Variants in PCLO observed in about 807,000 individuals in gnomAD.
PCLO encodes the protein protein piccolo.
PCLO carries 82 observed loss-of-function variants against 427.5 expected under a neutral mutation model. The ratio of observed to expected loss-of-function variants is 0.19; its 90% CI spans 0.16 to 0.23. The LOEUF (loss-of-function observed/expected upper bound fraction) is 0.23, where lower values mean the gene tolerates loss of function less well. PCLO is among the 10% of genes least tolerant of loss of function. The pLI is 1.00. For missense variants in PCLO, 6,239 were observed against 6,115.9 expected (o/e 1.02, Z -0.67); for synonymous variants, 2,357 against 2,155.4 (o/e 1.09, Z -2.59).
intron 3 of PCLO, among the ~76,000 whole-genome samples, chr7:83,122,860 A>C (rs2116568600): frequency 6.6e-6 from 1 of 152,324 alleles, no homozygotes; most frequent in South Asian, 2.1e-4. Flanking sequence ...AACCTCACAA[A>C]ATAAGAAAGT....
intron 10 of PCLO, among the ~76,000 whole-genome samples, chr7:82,857,885 C>T (rs1792849438): frequency 6.6e-6 from 1 of 152,020 alleles, no homozygotes; most frequent in East Asian, 1.9e-4. Flanking sequence ...AGAAATAATA[C>T]AACATGGTCA....
In PCLO at chr7:83,043,479, A is replaced by C. The variant is rs77997166; in HGVS notation, c.3301-76992T>G. ...ACTTCATTTTCAGAGAGGAAAATGTATTGGATATTTGATTATGTACATCCT... is the reference window on the plus strand; with the variant it reads ...ACTTCATTTTCAGAGAGGAAAATGTCTTGGATATTTGATTATGTACATCCT... On this transcript the variant is annotated intron_variant, in intron 3 of 24. Transcript: ENST00000333891. Among the ~76,000 whole-genome samples, 18 of 152,330 alleles carry C rather than the reference A, an allele frequency of 1.2e-4. No homozygotes were observed. The East Asian group carries it at 3.5e-3, about 29-fold the overall frequency.
intron 10 of PCLO, chr7:82,848,849 T>C (rs2115830618): frequency 5.4e-6 from 2 of 368,450 alleles, no homozygotes; most frequent in South Asian, 4.1e-5. Flanking sequence ...CAAACAAGAA[T>C]GACTTTTCTA....
intron 9 of PCLO, among the ~76,000 whole-genome samples, chr7:82,887,013 A>C (rs1793643013): frequency 6.6e-6 from 1 of 152,116 alleles, no homozygotes; most frequent in Non-Finnish European, 1.5e-5. Context: ...GATTTTTCTC[A>C]ATCTCTTCAG....
At chr7:83,101,745 T>A (rs1294338273) in intron 3 of PCLO, among the ~76,000 whole-genome samples, 1 of 152,124 alleles carries the variant, frequency 6.6e-6, no homozygotes, top group African/African-American at 2.4e-5. Flanking sequence ...AAATTAACTT[T>A]GCCAATCACG....
At chr7:82,945,595 T>C (rs1025611415) in intron 6 of PCLO, among the ~76,000 whole-genome samples, 9 of 152,142 alleles carry the variant, frequency 5.9e-5, no homozygotes, top group Admixed American at 3.9e-4. Context: ...ATTTCTGTTG[T>C]TGAAGCCACC....
At chr7:83,053,308 T>C (rs1487296415) in intron 3 of PCLO, among the ~76,000 whole-genome samples, 1 of 151,966 alleles carries the variant, frequency 6.6e-6, no homozygotes, top group Non-Finnish European at 1.5e-5. Flanking sequence ...TCTGTACCAC[T>C]CCAGCTAACC....
chr7:83,125,013 C>T (rs935253220), intron 3 of PCLO, among the ~76,000 whole-genome samples: 9 of 152,180 alleles, frequency 5.9e-5, no homozygotes, highest in African/African-American at 2.2e-4. Context: ...GCCTTGGCCT[C>T]CCGAGGTGCT....
intron 3 of PCLO, among the ~76,000 whole-genome samples, chr7:83,034,448 A>G (rs563613646): frequency 6.6e-6 from 1 of 152,308 alleles, no homozygotes; most frequent in Admixed American, 6.5e-5. Flanking sequence ...CTCGGCCCCC[A>G]CAGTGCTGGG....
At chr7:83,030,044 T>C (rs1788620454) in intron 3 of PCLO, among the ~76,000 whole-genome samples, 1 of 144,646 alleles carries the variant, frequency 6.9e-6, no homozygotes, top group Non-Finnish European at 1.5e-5. Context: ...CGCACCAGCA[T>C]GGCACATGTA....
chr7:82,885,772 A>G (rs528355369), intron 9 of PCLO, among the ~76,000 whole-genome samples: 64 of 150,788 alleles, frequency 4.2e-4, no homozygotes, highest in African/African-American at 1.6e-3. Context: ...TTGGATTTTA[A>G]AATAAAAGAG....
chr7:82,981,525 C>G (rs1471422483), intron 3 of PCLO, among the ~76,000 whole-genome samples: 1 of 152,042 alleles, frequency 6.6e-6, no homozygotes, highest in Non-Finnish European at 1.5e-5. Flanking sequence ...TGACATATGT[C>G]AAAAAGGTTG....
At chr7:82,980,914 G>A (rs938292754) in intron 3 of PCLO, among the ~76,000 whole-genome samples, 2 of 152,062 alleles carry the variant, frequency 1.3e-5, no homozygotes, top group African/African-American at 2.4e-5. Flanking sequence ...AATCCCAGGA[G>A]TTTCTATAAT....
chr7:82,947,145 G>A (rs934226128), intron 6 of PCLO, among the ~76,000 whole-genome samples: 28 of 151,960 alleles, frequency 1.8e-4, no homozygotes, highest in Admixed American at 9.2e-4. Flanking sequence ...TTCTCTCCAT[G>A]GTCCAGCAGA....
intron 3 of PCLO, among the ~76,000 whole-genome samples, chr7:83,058,525 CCATAT>C (rs1789459053): frequency 6.6e-6 from 1 of 152,068 alleles, no homozygotes; most frequent in East Asian, 1.9e-4. Context: ...AATATAACTA[CCATAT>C]ATCAATACAG....
rs2115643333 is a variant in PCLO at position 82,822,210 on chromosome 7, T to TGGAAAA, written c.14791+284_14791+285insTTTTCC. The TGGAAAA allele has an allele frequency of 3.2e-6, 4 of 1,258,900 alleles. No homozygotes were observed. In the East Asian group the frequency reaches 1.6e-4, roughly 50 times the overall value. 78.0% of individuals were successfully genotyped at this position (1,258,900 alleles called of 1,614,324 possible). On this transcript the variant is annotated intron_variant, in intron 20 of 24. Coordinates refer to ENST00000333891, the MANE Select transcript of PCLO (RefSeq NM_033026.6). Reference sequence around the variant, plus strand: ...AAAGGACACACAACATTGCTTTGCTTCCAAACATCACAGACACTGTATCAA... The same window carrying TGGAAAA: ...AAAGGACACACAACATTGCTTTGCTTGGAAAACCAAACATCACAGACACTGTATCAA...
chr7:82,889,287 C>G (rs965509145), intron 9 of PCLO, among the ~76,000 whole-genome samples: 2 of 152,054 alleles, frequency 1.3e-5, no homozygotes, highest in Non-Finnish European at 2.9e-5. Context: ...ATGCTTAGCC[C>G]TCGCCATAAC....
intron 3 of PCLO, among the ~76,000 whole-genome samples, chr7:83,092,634 A>T (rs979886819): frequency 2.0e-5 from 3 of 152,122 alleles, no homozygotes; most frequent in Non-Finnish European, 4.4e-5. Context: ...TACAATCAGG[A>T]CAAATCCTAA....
At chr7:83,126,193 G>A (rs942292535) in intron 3 of PCLO, among the ~76,000 whole-genome samples, 3 of 152,146 alleles carry the variant, frequency 2.0e-5, no homozygotes, top group African/African-American at 4.8e-5. Flanking sequence ...AACTCATGGC[G>A]ATAGACAGTA....
Sources: allele counts gnomAD v4.1 joint callset (sites outside exome capture counted in the v4.1 genomes callset), GRCh38; gene constraint gnomAD v4.1.1; transcripts MANE v1.5; gene names NCBI Gene and HGNC (gene_info 2026-07-23, HGNC 2026-07-21).